Variants in PPARGC1A observed in about 807,000 individuals in gnomAD.
PPARGC1A encodes the protein peroxisome proliferator-activated receptor gamma coactivator 1-alpha.
In PPARGC1A, 25 loss-of-function variants were observed where a neutral mutation model predicts 88.7. The ratio of observed to expected loss-of-function variants is 0.28; its 90% confidence interval spans 0.21 to 0.39. The LOEUF is 0.39. Among genes scored for constraint, PPARGC1A ranks in the 10% least tolerant of loss-of-function variants. The pLI is 1.00. For missense variants in PPARGC1A, 880 were observed against 968.7 expected (o/e 0.91, Z 1.22); for synonymous variants, 363 against 355.6 (o/e 1.02, Z -0.24).
the PPARGC1A span, among the ~76,000 whole-genome samples, chr4:23,973,708 G>T: frequency 6.6e-6 from 1 of 152,038 alleles, no homozygotes; most frequent in African/African-American, 2.4e-5. Flanking sequence ...GTAGAATGGA[G>T]TTTTTTTTAA....
the PPARGC1A span, among the ~76,000 whole-genome samples, chr4:24,071,967 A>G: frequency 6.6e-6 from 1 of 152,042 alleles, no homozygotes; most frequent in African/African-American, 2.4e-5. Flanking sequence ...TGGCAGTTTG[A>G]AGTAGATTTA....
At chr4:24,273,034 G>A in the PPARGC1A span, among the ~76,000 whole-genome samples, 2 of 152,158 alleles carry the variant, frequency 1.3e-5, no homozygotes, top group South Asian at 4.1e-4. Context: ...CACTTTCAAG[G>A]GATTTTACTT....
chr4:24,098,731 C>A, the PPARGC1A span, among the ~76,000 whole-genome samples: 9 of 152,112 alleles, frequency 5.9e-5, no homozygotes, highest in South Asian at 2.1e-4. Context: ...TGTAATAATA[C>A]CAACTGACTG....
At chr4:24,269,661 T>TATG in the PPARGC1A span, among the ~76,000 whole-genome samples, 1 of 148,846 alleles carries the variant, frequency 6.7e-6, no homozygotes, top group African/African-American at 2.5e-5. Context: ...CACACTTTAT[T>TATG]ATCATCATCA....
the PPARGC1A span, among the ~76,000 whole-genome samples, chr4:24,137,876 C>G: frequency 6.6e-6 from 1 of 152,160 alleles, no homozygotes; most frequent in African/African-American, 2.4e-5. Flanking sequence ...ACCCGTTTCC[C>G]CCCTCAAACA....
chr4:24,434,983 T>G, the PPARGC1A span, among the ~76,000 whole-genome samples: 2 of 152,238 alleles, frequency 1.3e-5, no homozygotes, highest in South Asian at 4.1e-4. Flanking sequence ...TTAAGTTATT[T>G]CTGGAAAAAT....
At chr4:24,064,317 T>C in the PPARGC1A span, among the ~76,000 whole-genome samples, 9 of 152,148 alleles carry the variant, frequency 5.9e-5, no homozygotes, top group African/African-American at 2.2e-4. Flanking sequence ...ACCCCTGACA[T>C]GTCCAGAAGG....
the PPARGC1A span, among the ~76,000 whole-genome samples, chr4:24,428,656 G>C: frequency 6.6e-6 from 1 of 152,178 alleles, no homozygotes; most frequent in Admixed American, 6.5e-5. Flanking sequence ...GACAGTACTT[G>C]GTCTTGTTGC....
chr4:24,276,180 C>T, the PPARGC1A span, among the ~76,000 whole-genome samples: 1 of 152,306 alleles, frequency 6.6e-6, no homozygotes, highest in East Asian at 1.9e-4. Flanking sequence ...CACCTTCAAT[C>T]ACCTGAATCC....
chr4:24,195,915 C>T, the PPARGC1A span, among the ~76,000 whole-genome samples: 2 of 152,188 alleles, frequency 1.3e-5, no homozygotes, highest in Non-Finnish European at 2.9e-5. Flanking sequence ...CTCAGAGCAT[C>T]AAGGGCCACA....
chr4:24,374,569 A>T, the PPARGC1A span, among the ~76,000 whole-genome samples: 5 of 152,010 alleles, frequency 3.3e-5, no homozygotes, highest in African/African-American at 4.8e-5. Flanking sequence ...ATGTTAAAAA[A>T]AAAAGGGCCA....
the PPARGC1A span, among the ~76,000 whole-genome samples, chr4:24,167,991 G>C: frequency 1.3e-5 from 2 of 152,110 alleles, no homozygotes; most frequent in Admixed American, 1.3e-4. Context: ...TCCTGCTCAA[G>C]CAGTCTGCCT....
the PPARGC1A span, among the ~76,000 whole-genome samples, chr4:24,078,498 T>C: frequency 6.6e-6 from 1 of 152,122 alleles, no homozygotes; most frequent in East Asian, 1.9e-4. Context: ...CTAGTCCAGA[T>C]ATCTGGCTGA....
At chr4:23,926,219 G>A in the PPARGC1A span, among the ~76,000 whole-genome samples, 1 of 152,088 alleles carries the variant, frequency 6.6e-6, no homozygotes, top group African/African-American at 2.4e-5. Flanking sequence ...GAGTCTCAGA[G>A]ACAGCTGGGT....
the PPARGC1A span, among the ~76,000 whole-genome samples, chr4:23,928,780 C>CA: frequency 9.8e-6 from 1 of 102,526 alleles, no homozygotes. Context: ...CAAAAAAAAA[C>CA]AACAAAAAAA....
chr4:24,410,054 G>A, the PPARGC1A span, among the ~76,000 whole-genome samples: 5 of 152,252 alleles, frequency 3.3e-5, no homozygotes, highest in Admixed American at 6.5e-5. Context: ...ACAATTCTAC[G>A]TACAGCTCTA....
intron 2 of PPARGC1A, among the ~76,000 whole-genome samples, chr4:23,865,185 A>G (rs531641136): frequency 4.6e-5 from 7 of 152,174 alleles, no homozygotes; most frequent in Admixed American, 1.3e-4. Context: ...ACTGCCTCCA[A>G]AAGAAAAGAA....
the PPARGC1A span, among the ~76,000 whole-genome samples, chr4:24,409,835 T>C: frequency 6.6e-6 from 1 of 152,180 alleles, no homozygotes; most frequent in Non-Finnish European, 1.5e-5. Flanking sequence ...CCAGAGAGTA[T>C]ATGTTTGGAC....
chr4:23,880,068 C>T (rs1715615500), intron 2 of PPARGC1A: 2 of 151,630 alleles, frequency 1.3e-5, no homozygotes, highest in South Asian at 4.2e-4. Flanking sequence ...TATATGCATG[C>T]ATATATGCAT....
Sources: allele counts gnomAD v4.1 joint callset (sites outside exome capture counted in the v4.1 genomes callset), GRCh38; gene constraint gnomAD v4.1.1; transcripts MANE v1.5; gene names NCBI Gene and HGNC (gene_info 2026-07-23, HGNC 2026-07-21).